The following FAM227B variants were observed in gnomAD, a reference collection of about 807,000 sequenced individuals.
FAM227B encodes protein FAM227B.
FAM227B carries 88 observed loss-of-function variants against 73.8 expected under a neutral mutation model. That is an observed-to-expected ratio of 1.19 (90% CI 1.00 to 1.42). The LOEUF is 1.42. Ranked by LOEUF, FAM227B falls within the 40% of genes most tolerant of loss-of-function variation. The probability of loss-of-function intolerance (pLI) is 0.00; values close to 1 mark genes in which losing one functional copy is unlikely to be tolerated. For synonymous variants in FAM227B, 210 were observed against 190.5 expected (o/e 1.10, Z -0.84); for missense variants, 632 against 590.9 (o/e 1.07, Z -0.72).
chr15:49,537,566 A>C (rs1303387869), intron 10 of FAM227B, among the ~76,000 whole-genome samples: 2 of 152,094 alleles, frequency 1.3e-5, no homozygotes, highest in Admixed American at 1.3e-4. Context: ...ACTTTTGGGT[A>C]TATTACCCAA....
At chr15:49,511,699 A>T (rs1200127514) in intron 10 of FAM227B, among the ~76,000 whole-genome samples, 1 of 152,138 alleles carries the variant, frequency 6.6e-6, no homozygotes, top group Non-Finnish European at 1.5e-5. Context: ...ATAAGTGAGA[A>T]CATGCAGTGT....
intron 9 of FAM227B, among the ~76,000 whole-genome samples, chr15:49,557,400 A>G (rs1395900): frequency 0.7 from 107,012 of 152,072 alleles, 37,977 homozygotes; most frequent in East Asian, 0.92. Context: ...AACAATTAAG[A>G]TTTCATAATT....
rs2060342764 is a variant in FAM227B at position 49,528,155 on chromosome 15, T to C, written c.874+13525A>G. Among the ~76,000 whole-genome samples, 4 of 151,760 alleles carry C rather than the reference T, an allele frequency of 2.6e-5. 1 individual carries two copies. In the South Asian group the frequency reaches 6.2e-4, roughly 24 times the overall value. ...ACATAGTGCTGGTACAATAGACACATAGATCAATGAAGCAAAATAGAGAAC... is the reference window on the plus strand; with the variant it reads ...ACATAGTGCTGGTACAATAGACACACAGATCAATGAAGCAAAATAGAGAAC... On this transcript the variant is annotated intron_variant, in intron 10 of 15. Coordinates refer to ENST00000299338, the MANE Select transcript of FAM227B (RefSeq NM_152647.3).
At chr15:49,351,521 A>G (rs991861185) in intron 13 of FAM227B, among the ~76,000 whole-genome samples, 24 of 152,246 alleles carry the variant, frequency 1.6e-4, no homozygotes, top group Non-Finnish European at 3.1e-4. Context: ...TCTACAAGAA[A>G]AGTAGTGAGC....
intron 11 of FAM227B, among the ~76,000 whole-genome samples, chr15:49,394,169 C>A (rs1567201406): frequency 6.6e-6 from 1 of 152,012 alleles, no homozygotes; most frequent in African/African-American, 2.4e-5. Flanking sequence ...TTGAAGCTTT[C>A]CCCCCAGCTG....
chr15:49,496,057 A>G (rs2057576005), intron 11 of FAM227B, among the ~76,000 whole-genome samples: 1 of 152,032 alleles, frequency 6.6e-6, no homozygotes, highest in East Asian at 1.9e-4. Flanking sequence ...TAAATAAATA[A>G]TAAAATCCAA....
chr15:49,541,625 C>A (rs201822223), intron 10 of FAM227B, 55 bp downstream of exon 10: 1 of 1,322,282 alleles, frequency 7.6e-7, no homozygotes, highest in Non-Finnish European at 9.7e-7. Flanking sequence ...AATACTGCAA[C>A]CCCAAAATTT....
chr15:49,421,351 G>T (rs1156709506), intron 11 of FAM227B, among the ~76,000 whole-genome samples: 1 of 152,100 alleles, frequency 6.6e-6, no homozygotes, highest in Non-Finnish European at 1.5e-5. Flanking sequence ...GATAATCAAA[G>T]AATTTAAACC....
chr15:49,399,933 G>C (rs1321557902), intron 11 of FAM227B, among the ~76,000 whole-genome samples: 1 of 111,098 alleles, frequency 9.0e-6, no homozygotes. Flanking sequence ...CCTTTGAAAA[G>C]TGGCACAAGA....
Position 49,596,430 on chromosome 15 carries a change from C to A in FAM227B, c.106-6423G>T, listed in dbSNP as rs139358058. On this transcript the variant is annotated intron_variant, in intron 3 of 15. Transcript: ENST00000299338. ...AAATGATGAGAGAGAGACTACCAAG[C>A]CAGCACTAAAAGAACTGCTAAAAGG... Among the ~76,000 whole-genome samples the A allele has an allele frequency of 2.6e-4, 40 of 151,950 alleles. No individual in the cohort carries two copies. The East Asian group carries it at 7.1e-3, about 27-fold the overall frequency.
chr15:49,355,803 T>A (rs1287530853), intron 13 of FAM227B, among the ~76,000 whole-genome samples: 1 of 151,316 alleles, frequency 6.6e-6, no homozygotes, highest in Non-Finnish European at 1.5e-5. Flanking sequence ...TTCACCAAAG[T>A]TGAAATGAAG....
intron 10 of FAM227B, among the ~76,000 whole-genome samples, chr15:49,540,014 G>C (rs2070833599): frequency 6.6e-6 from 1 of 152,138 alleles, no homozygotes; most frequent in Non-Finnish European, 1.5e-5. Flanking sequence ...GATGTGAGTA[G>C]GTCCTGGCCC....
In FAM227B at chr15:49,393,442, C is replaced by T. The variant is rs914628004; in HGVS notation, c.1013-22043G>A. On this transcript the variant is annotated intron_variant, in intron 11 of 15. Transcript: ENST00000299338. Reference sequence around the variant, plus strand: ...CTGTAAGTCAGACTTCTGCACTGAACAAAAAACTAAAATTTAATTCCATTA... The same window carrying T: ...CTGTAAGTCAGACTTCTGCACTGAATAAAAAACTAAAATTTAATTCCATTA... Among the ~76,000 whole-genome samples the T allele has an allele frequency of 2.0e-5, 3 of 152,168 alleles. No individual in the cohort carries two copies. In the East Asian group the frequency reaches 5.8e-4, roughly 29 times the overall value.
Position 49,444,723 on chromosome 15 carries a change from G to A in FAM227B, c.1012+63488C>T, listed in dbSNP as rs1043569595. On this transcript the variant is annotated intron_variant, in intron 11 of 15. Transcript: ENST00000299338. ...CATATGTTCCGGGGTCTGTCTCAAA[G>A]GCTAGAAATAAATTGCAAATATCTC... Among the ~76,000 whole-genome samples, 5 of 151,558 alleles carry A rather than the reference G, an allele frequency of 3.3e-5. No individual in the cohort carries two copies. The East Asian group carries it at 9.7e-4, about 29-fold the overall frequency.
chr15:49,394,736 G>T (rs751803080), intron 11 of FAM227B, among the ~76,000 whole-genome samples: 1 of 152,168 alleles, frequency 6.6e-6, no homozygotes, highest in Non-Finnish European at 1.5e-5. Flanking sequence ...TTTAATTTAG[G>T]TAAGGAAGAA....
chr15:49,448,865 C>T (rs1187731431), intron 11 of FAM227B, among the ~76,000 whole-genome samples: 2 of 151,662 alleles, frequency 1.3e-5, no homozygotes, highest in African/African-American at 4.8e-5. Context: ...CTTTAGCAGT[C>T]GATTCCAATA....
Position 49,620,786 on chromosome 15 carries a change from C to T in FAM227B, c.-159G>A, listed in dbSNP as rs1567724577. On this transcript the variant is annotated 5_prime_UTR_variant, in exon 1 of 16. Transcript: ENST00000299338. ...AATCGGGAGGAAACTGGGTGAAAGG[C>T]TGCGAGGCTTGAGGCGGGTCCCGGA... 6.6e-6 allele frequency: 1 copy of T among 152,238 alleles called. No homozygotes were observed. The highest frequency in any genetic ancestry group is 1.5e-5 in the Non-Finnish European group (1 of 68,072). 9.4% of individuals were successfully genotyped at this position (152,238 alleles called of 1,614,324 possible). A position where few individuals can be genotyped will look rare whatever the true frequency, so the allele number is the denominator to read the frequency against.
At chr15:49,443,448 C>T (rs940991068) in intron 11 of FAM227B, among the ~76,000 whole-genome samples, 1 of 151,464 alleles carries the variant, frequency 6.6e-6, no homozygotes, top group Non-Finnish European at 1.5e-5. Flanking sequence ...TTGGCCAATG[C>T]TACAAATCAG....
At chr15:49,615,384 CT>C in intron 1 of FAM227B, 141 bp from the exon 2 acceptor site, 1 of 580,998 alleles carries the variant, frequency 1.7e-6, no homozygotes, top group Non-Finnish European at 3.1e-6. Flanking sequence ...TCATGTTGAA[CT>C]GTTGGAATCC....
Sources: gnomAD v4.1 joint callset for allele counts (sites outside exome capture counted in the v4.1 genomes callset) on GRCh38, gnomAD v4.1.1 for gene constraint, MANE v1.5 for transcripts, NCBI Gene and HGNC (gene_info 2026-07-23, HGNC 2026-07-21) for gene names.